LRRC4C: variants seen among roughly 807,000 people sequenced by gnomAD.
LRRC4C encodes the protein leucine rich repeat containing 4C, also known as leucine-rich repeat-containing protein 4C.
A neutral mutation model predicts 33.6 loss-of-function variants in LRRC4C; 5 were observed. The ratio of observed to expected loss-of-function variants is 0.15; its 90% CI spans 0.08 to 0.31. The LOEUF (loss-of-function observed/expected upper bound fraction) is 0.31. Among genes scored for constraint, LRRC4C ranks in the 10% least tolerant of loss-of-function variants. LRRC4C has a pLI of 1.00. For synonymous variants in LRRC4C, 329 were observed against 302.0 expected, an observed-to-expected ratio of 1.09 and a Z score of -0.93; for missense variants, 560 against 796.7, an observed-to-expected ratio of 0.70 and a Z score of 3.58.
intron 2 of LRRC4C, among the ~76,000 whole-genome samples, chr11:40,757,111 C>G (rs1040480975): frequency 1.3e-5 from 2 of 152,014 alleles, no homozygotes; most frequent in Non-Finnish European, 2.9e-5. Context: ...GCCAACTCGA[C>G]AATACTACAT....
At chr11:40,266,905 A>T (rs529466452) in intron 4 of LRRC4C, among the ~76,000 whole-genome samples, 1 of 152,084 alleles carries the variant, frequency 6.6e-6, no homozygotes, top group African/African-American at 2.4e-5. Context: ...AGAAGTTTGG[A>T]TTTCGGTGTA....
intron 2 of LRRC4C, among the ~76,000 whole-genome samples, chr11:40,778,545 T>C (rs895365062): frequency 6.6e-6 from 1 of 152,050 alleles, no homozygotes; most frequent in Non-Finnish European, 1.5e-5. Flanking sequence ...AATAATAATT[T>C]GAGATGGTGC....
intron 3 of LRRC4C, among the ~76,000 whole-genome samples, chr11:40,386,559 T>C (rs942250480): frequency 6.6e-6 from 1 of 152,208 alleles, no homozygotes; most frequent in East Asian, 1.9e-4. Context: ...TCTGGTAAAC[T>C]GCAAGGTACT....
intron 1 of LRRC4C, among the ~76,000 whole-genome samples, chr11:41,093,144 A>G (rs1387406452): frequency 6.6e-6 from 1 of 152,198 alleles, no homozygotes; most frequent in East Asian, 1.9e-4. Flanking sequence ...TCAGCTCCAC[A>G]AAACTACTTT....
At chr11:40,976,106 C>A (rs1325810633) in intron 1 of LRRC4C, among the ~76,000 whole-genome samples, 2 of 152,154 alleles carry the variant, frequency 1.3e-5, no homozygotes, top group Admixed American at 6.5e-5. Context: ...GATTATATTG[C>A]TTAACAAACT....
chr11:41,411,437 C>T (rs1476454269), intron 1 of LRRC4C, among the ~76,000 whole-genome samples: 1 of 151,332 alleles, frequency 6.6e-6, no homozygotes, highest in Non-Finnish European at 1.5e-5. Context: ...CTTGAGCCAC[C>T]GCGCCCAGCC....
intron 3 of LRRC4C, among the ~76,000 whole-genome samples, chr11:40,559,003 A>T (rs1254771498): frequency 1.3e-5 from 2 of 151,746 alleles, no homozygotes; most frequent in African/African-American, 4.8e-5. Flanking sequence ...AATAGTTTTC[A>T]CCTCCCATCT....
chr11:40,114,516 C>T lies in LRRC4C; in HGVS notation c.1777G>A (p.Glu593Lys). Residue 593 changes from glutamate to lysine, a missense_variant, in exon 7 of 7, where the codon GAG becomes AAG. By Grantham distance (56) the Glu-to-Lys change is moderately conservative. Coordinates refer to ENST00000528697, the MANE Select transcript of LRRC4C (RefSeq NM_001258419.2). ...TATGAGTTATAGTGATTTAGGTGCT[C>T]ATGCTCGATAGCAGGCATGGGCAGG... ...SHLPMPAIEH[E>K]HLNHYNSYKS... 3.1e-6 allele frequency: 5 copies of T among 1,614,124 alleles called. No homozygotes were observed. The highest frequency in any genetic ancestry group is 4.2e-6 in the Non-Finnish European group (5 of 1,180,014).
chr11:40,546,985 C>T (rs757399938), intron 3 of LRRC4C, among the ~76,000 whole-genome samples: 7 of 152,138 alleles, frequency 4.6e-5, no homozygotes, highest in African/African-American at 7.2e-5. Flanking sequence ...TACTTGGGTT[C>T]GTTACAGATA....
At chr11:40,223,403 T>C (rs958638276) in intron 5 of LRRC4C, among the ~76,000 whole-genome samples, 3 of 152,140 alleles carry the variant, frequency 2.0e-5, no homozygotes, top group African/African-American at 7.2e-5. Flanking sequence ...AAAAGAAACA[T>C]GTCAGGGCAA....
At chr11:41,002,320 G>T (rs1854440048) in intron 1 of LRRC4C, among the ~76,000 whole-genome samples, 3 of 152,112 alleles carry the variant, frequency 2.0e-5, no homozygotes, top group Admixed American at 1.3e-4. Flanking sequence ...AGGCCATTGT[G>T]TTAACATAGG....
intron 5 of LRRC4C, among the ~76,000 whole-genome samples, chr11:40,213,127 G>T (rs142527384): frequency 2.0e-5 from 3 of 152,152 alleles, no homozygotes; most frequent in African/African-American, 7.2e-5. Flanking sequence ...GACCCATTTC[G>T]CAGAATGCAG....
chr11:40,379,188 A>C (rs2137326276), intron 3 of LRRC4C, among the ~76,000 whole-genome samples: 1 of 152,234 alleles, frequency 6.6e-6, no homozygotes, highest in East Asian at 1.9e-4. Context: ...CCTAACACAA[A>C]GTTTGAGAAG....
chr11:40,372,583 G>T (rs989261255), intron 3 of LRRC4C, among the ~76,000 whole-genome samples: 3 of 152,154 alleles, frequency 2.0e-5, no homozygotes, highest in African/African-American at 7.2e-5. Context: ...ACAGCTTCCA[G>T]AAATTAGGGC....
chr11:40,926,366 G>C (rs773936033), intron 2 of LRRC4C, among the ~76,000 whole-genome samples: 1 of 151,954 alleles, frequency 6.6e-6, no homozygotes, highest in Admixed American at 6.6e-5. Context: ...AAATAAATTC[G>C]ACAATAAATG....
chr11:40,951,942 C>G (rs1450912081), intron 1 of LRRC4C, among the ~76,000 whole-genome samples: 1 of 151,830 alleles, frequency 6.6e-6, no homozygotes, highest in Non-Finnish European at 1.5e-5. Flanking sequence ...CTTCATGCCT[C>G]AGTTGCCCAA....
At chr11:40,996,954 C>G (rs1355895299) in intron 1 of LRRC4C, among the ~76,000 whole-genome samples, 1 of 152,068 alleles carries the variant, frequency 6.6e-6, no homozygotes. Context: ...AACTTTTTTT[C>G]AACATTGGAG....
chr11:41,112,421 G>C (rs1487583661), intron 1 of LRRC4C, among the ~76,000 whole-genome samples: 2 of 152,064 alleles, frequency 1.3e-5, no homozygotes. Flanking sequence ...TGTCTATTAG[G>C]TGGGCAAGGC....
intron 1 of LRRC4C, among the ~76,000 whole-genome samples, chr11:40,936,561 C>T (rs1957910116): frequency 2.0e-5 from 3 of 151,866 alleles, no homozygotes; most frequent in South Asian, 2.1e-4. Flanking sequence ...TGGTCTCGAT[C>T]TCCTGACCTC....
Sources: gnomAD v4.1 joint callset for allele counts (sites outside exome capture counted in the v4.1 genomes callset) on GRCh38, gnomAD v4.1.1 for gene constraint, MANE v1.5 for transcripts, NCBI Gene and HGNC (gene_info 2026-07-23, HGNC 2026-07-21) for gene names.